The following WWC2 variants were observed in gnomAD, a reference collection of about 807,000 sequenced individuals.
WWC2 encodes the protein protein WWC2.
WWC2 carries 101 observed loss-of-function variants against 138.5 expected under a neutral mutation model. The observed-to-expected ratio is 0.73, with a 90% CI of 0.62 to 0.86. The LOEUF is 0.86. WWC2 is among the 40% of genes least tolerant of loss of function. The probability of loss-of-function intolerance (pLI) is 0.00; values close to 1 mark genes in which losing one functional copy is unlikely to be tolerated. For synonymous variants in WWC2, 558 were observed against 538.4 expected, an observed-to-expected ratio of 1.04 and a Z score of -0.50; for missense variants, 1,420 against 1,419.4, an observed-to-expected ratio of 1.00 and a Z score of -0.01.
intron 1 of WWC2, among the ~76,000 whole-genome samples, chr4:183,113,523 CGTGCGCGCGCACATGCACGT>C (rs1307707367): frequency 2.8e-5 from 4 of 144,452 alleles, no homozygotes; most frequent in Admixed American, 1.3e-4. Context: ...TGTGCGCGCG[CGTGCGCGCGCACATGCACGT>C]GCATGCAAGA....
chr4:183,294,044 A>G (rs1022257577), intron 21 of WWC2, among the ~76,000 whole-genome samples: 8 of 152,140 alleles, frequency 5.3e-5, no homozygotes, highest in Non-Finnish European at 8.8e-5. Flanking sequence ...ATAATTAAAT[A>G]TTAATGTTAA....
intron 1 of WWC2, among the ~76,000 whole-genome samples, chr4:183,153,705 G>A (rs891302030): frequency 2.7e-5 from 4 of 149,018 alleles, no homozygotes; most frequent in African/African-American, 1.0e-4. Flanking sequence ...GAGTGCAGTG[G>A]CGCAATCACG....
intron 5 of WWC2, chr4:183,240,552 C>T (rs988399409): frequency 3.4e-5 from 8 of 231,950 alleles, no homozygotes; most frequent in Non-Finnish European, 4.9e-5. Flanking sequence ...TGCTGGCCTC[C>T]TCTGAGATTG....
rs11722302 is a variant in WWC2, at chr4:183,239,600, C to T, written c.523-583C>T. Among the ~76,000 whole-genome samples, 1,191 of 152,188 alleles carry T rather than the reference C, an allele frequency of 7.8e-3. 12 individuals are homozygous for T. The highest frequency in any genetic ancestry group is 0.013 in the Non-Finnish European group (893 of 68,020). On this transcript the variant is annotated intron_variant, in intron 4 of 22. Coordinates refer to ENST00000403733, the MANE Select transcript of WWC2 (RefSeq NM_024949.6). The stretch of plus-strand genomic sequence containing the variant: ...CAGCTGGTGGGTTGCAGCTTACTTT[C>T]CCACGGAGGACAGACAGTGTACACG...
At chr4:183,260,095 A>G (rs1426386672) in intron 10 of WWC2, among the ~76,000 whole-genome samples, 2 of 152,196 alleles carry the variant, frequency 1.3e-5, no homozygotes, top group Admixed American at 1.3e-4. Context: ...ATTCACACAC[A>G]AAGAGGAAAC....
chr4:183,225,748 A>T (rs997804252), intron 4 of WWC2, among the ~76,000 whole-genome samples: 1 of 152,234 alleles, frequency 6.6e-6, no homozygotes, highest in Admixed American at 6.5e-5. Context: ...CAGAGAACAG[A>T]TACATTTCAG....
At chr4:183,195,767 T>C (rs1735124358) in intron 2 of WWC2, among the ~76,000 whole-genome samples, 1 of 152,206 alleles carries the variant, frequency 6.6e-6, no homozygotes, top group African/African-American at 2.4e-5. Context: ...ACAGCCAGAC[T>C]TGCTGAAAGC....
In WWC2 at chr4:183,123,104, G is replaced by C. The variant is rs147730371; in HGVS notation, c.131+23482G>C. ...GTTGATATTACTACTAAGGAGAGCC[G>C]TTGGCACAATGTATGTCAGGTTAAA... On this transcript the variant is annotated intron_variant, in intron 1 of 22. Coordinates refer to ENST00000403733, the MANE Select transcript of WWC2 (RefSeq NM_024949.6). 3.7e-3 allele frequency among the ~76,000 whole-genome samples: 564 copies of C among 152,220 alleles called. 1 individual carries two copies. The highest frequency in any genetic ancestry group is 6.6e-3 in the Non-Finnish European group (449 of 67,990).
chr4:183,229,893 C>T (rs1736191537), intron 4 of WWC2, among the ~76,000 whole-genome samples: 2 of 151,938 alleles, frequency 1.3e-5, no homozygotes, highest in South Asian at 2.1e-4. Flanking sequence ...CGGCTCAATC[C>T]GGCTCACTTT....
chr4:183,239,443 T>C (rs978240630), intron 4 of WWC2, among the ~76,000 whole-genome samples: 30 of 152,360 alleles, frequency 2.0e-4, no homozygotes, highest in African/African-American at 7.0e-4. Flanking sequence ...GCTTTTCTGA[T>C]CTGTCCAATT....
chr4:183,101,812 A>G (rs1469455915), intron 1 of WWC2, among the ~76,000 whole-genome samples: 2 of 152,200 alleles, frequency 1.3e-5, no homozygotes, highest in African/African-American at 4.8e-5. Context: ...AAGAAAAACA[A>G]CTTGATATAC....
At chr4:183,171,773 G>A (rs1218911811) in intron 1 of WWC2, among the ~76,000 whole-genome samples, 6 of 152,112 alleles carry the variant, frequency 3.9e-5, no homozygotes, top group African/African-American at 1.2e-4. Flanking sequence ...GGTATTTGCC[G>A]CTGTGTTTTT....
Position 183,253,811 on chromosome 4 carries a change from G to T in WWC2, c.1008G>T (p.Gly336=). Residue 336 remains glycine, a synonymous_variant, in exon 9 of 23, where the codon GGG becomes GGT. Transcript: ENST00000403733. ...AATTGGACAGTGAGGCCTGGCCTGGGGCACTGGATATTGAGAAGGAAAAAC... is the reference window on the plus strand; with the variant it reads ...AATTGGACAGTGAGGCCTGGCCTGGTGCACTGGATATTGAGAAGGAAAAAC... ...LSKLDSEAWP[G]ALDIEKEKLM... 1 of 1,613,658 alleles carries T rather than the reference G, an allele frequency of 6.2e-7. No homozygotes were observed. Among genetic ancestry groups the T allele is most frequent in the Non-Finnish European group, 8.5e-7 (1 of 1,179,780 alleles).
intron 2 of WWC2, among the ~76,000 whole-genome samples, chr4:183,205,525 T>C (rs1276605369): frequency 1.3e-5 from 2 of 152,202 alleles, no homozygotes; most frequent in African/African-American, 4.8e-5. Context: ...GTTGGTAACA[T>C]TATAGTGGAT....
intron 7 of WWC2, among the ~76,000 whole-genome samples, 153 bp downstream of exon 7, chr4:183,249,013 C>T (rs781031163): frequency 1.1e-4 from 17 of 152,054 alleles, no homozygotes; most frequent in Non-Finnish European, 2.2e-4. Context: ...TTTTAAAAAT[C>T]ATAGCCTTAT....
chr4:183,115,480 A>G (rs983418606), intron 1 of WWC2, among the ~76,000 whole-genome samples: 1 of 152,228 alleles, frequency 6.6e-6, no homozygotes, highest in Non-Finnish European at 1.5e-5. Context: ...ACTAGTTTAC[A>G]TTCCTACCAG....
At position 183,288,747 on chromosome 4, in the gene WWC2, T is replaced by C. The variant is rs375561200; in HGVS notation, c.3142-646T>C. On this transcript the variant is annotated intron_variant, in intron 20 of 22. Transcript: ENST00000403733. ...TTGCCCCTGGGAAGAGCCATGGTGA[T>C]TCAGTGGTGAAAGTAAGTAGCACAC... 5.3e-5 allele frequency among the ~76,000 whole-genome samples: 8 copies of C among 152,320 alleles called. No homozygotes were observed. The South Asian group carries it at 1.5e-3, about 28-fold the overall frequency.
chr4:183,165,112 T>G (rs1349865011), intron 1 of WWC2, among the ~76,000 whole-genome samples: 1 of 152,154 alleles, frequency 6.6e-6, no homozygotes, highest in African/African-American at 2.4e-5. Context: ...ATTTACTGGG[T>G]AAATGCCCAT....
At chr4:183,220,399 C>T (rs1035137639) in intron 4 of WWC2, among the ~76,000 whole-genome samples, 3 of 152,032 alleles carry the variant, frequency 2.0e-5, no homozygotes, top group Non-Finnish European at 4.4e-5. Context: ...GATTTTTGCT[C>T]TTTTTTTCTA....
Sources: allele counts gnomAD v4.1 joint callset (sites outside exome capture counted in the v4.1 genomes callset), GRCh38; gene constraint gnomAD v4.1.1; transcripts MANE v1.5; gene names NCBI Gene and HGNC (gene_info 2026-07-23, HGNC 2026-07-21).